CLSTN2: variants seen among roughly 807,000 people sequenced by gnomAD.
CLSTN2 encodes the protein calsyntenin-2.
A neutral mutation model predicts 101.2 loss-of-function variants in CLSTN2; 48 were observed. The observed-to-expected ratio is 0.47, with a 90% CI of 0.38 to 0.60. The LOEUF (loss-of-function observed/expected upper bound fraction) is 0.60. Among genes scored for constraint, CLSTN2 ranks in the 20% least tolerant of loss-of-function variants. The pLI, the probability that CLSTN2 is intolerant of heterozygous loss-of-function variation, is 0.00. For synonymous variants in CLSTN2, 481 were observed against 463.6 expected, an observed-to-expected ratio of 1.04 and a Z score of -0.48; for missense variants, 1,160 against 1,238.2, an observed-to-expected ratio of 0.94 and a Z score of 0.95.
intron 3 of CLSTN2, 102 bp downstream of exon 3, chr3:140,403,926 A>G (rs534712233): frequency 1.5e-5 from 15 of 993,446 alleles, no homozygotes; most frequent in Non-Finnish European, 2.1e-5. Flanking sequence ...TTGTCACACA[A>G]TGGTGCTCCA....
At chr3:140,297,797 T>C (rs1210122072) in intron 2 of CLSTN2, among the ~76,000 whole-genome samples, 1 of 152,210 alleles carries the variant, frequency 6.6e-6, no homozygotes, top group Non-Finnish European at 1.5e-5. Flanking sequence ...CCTTAGCCTA[T>C]GTGGCTGATA....
chr3:140,114,377 T>TCTGGCATCACCCTTATCAC (rs1420352598), intron 1 of CLSTN2, among the ~76,000 whole-genome samples: 2 of 152,202 alleles, frequency 1.3e-5, no homozygotes, highest in Non-Finnish European at 2.9e-5. Flanking sequence ...TGGCCCTGCA[T>TCTGGCATCACCCTTATCAC]CTGGCATCAC....
At chr3:140,455,924 C>T (rs751702270) in intron 6 of CLSTN2, among the ~76,000 whole-genome samples, 8 of 152,164 alleles carry the variant, frequency 5.3e-5, no homozygotes, top group East Asian at 3.9e-4. Flanking sequence ...AGTGGCCTGC[C>T]GCTCCCCCTC....
intron 2 of CLSTN2, among the ~76,000 whole-genome samples, chr3:140,190,389 A>G (rs2010542583): frequency 7.8e-6 from 1 of 128,804 alleles, no homozygotes; most frequent in African/African-American, 3.0e-5. Context: ...TAACTATTCT[A>G]TTTCCTTTAC....
intron 2 of CLSTN2, among the ~76,000 whole-genome samples, chr3:140,348,757 C>A (rs1473769660): frequency 1.3e-5 from 2 of 152,176 alleles, no homozygotes; most frequent in African/African-American, 2.4e-5. Flanking sequence ...GCCAGCCCTG[C>A]TTCTATTTCC....
chr3:140,247,592 T>C (rs1398642573), intron 2 of CLSTN2, among the ~76,000 whole-genome samples: 1 of 152,180 alleles, frequency 6.6e-6, no homozygotes, highest in Non-Finnish European at 1.5e-5. Flanking sequence ...AATGAGATGA[T>C]TTATTTACTT....
At chr3:140,330,472 C>T (rs4536787) in intron 2 of CLSTN2, among the ~76,000 whole-genome samples, 7,219 of 152,204 alleles carry the variant, frequency 0.047, 561 homozygotes, top group African/African-American at 0.16. Flanking sequence ...GGATCTCTGG[C>T]AGTACTAAAC....
chr3:140,562,130 T>G lies in CLSTN2; in HGVS notation c.2042-8T>G. On this transcript the variant is annotated splice_polypyrimidine_tract_variant and splice_region_variant and intron_variant, in intron 12 of 16. Coordinates refer to ENST00000458420, the MANE Select transcript of CLSTN2 (RefSeq NM_022131.3). ...ATGCCTGCATTTCCCATGTCTGTCT[T>G]CCTACAGACCCCAAATCAGAAGTCT... The G allele has an allele frequency of 6.2e-7, 1 of 1,613,128 alleles. No homozygotes were observed. Among genetic ancestry groups the G allele is most frequent in the East Asian group, 2.2e-5 (1 of 44,844 alleles).
At chr3:139,996,635 T>G (rs938507211) in intron 1 of CLSTN2, among the ~76,000 whole-genome samples, 3 of 152,250 alleles carry the variant, frequency 2.0e-5, no homozygotes, top group Admixed American at 6.5e-5. Context: ...ATTGTCAGAC[T>G]TCTTATTTTT....
At chr3:140,254,381 T>G (rs907493696) in intron 2 of CLSTN2, among the ~76,000 whole-genome samples, 2 of 152,176 alleles carry the variant, frequency 1.3e-5, no homozygotes, top group African/African-American at 4.8e-5. Flanking sequence ...CTCTCTAAAG[T>G]AATTGTGTGT....
intron 1 of CLSTN2, among the ~76,000 whole-genome samples, chr3:140,011,214 A>G (rs2007066466): frequency 6.6e-6 from 1 of 152,222 alleles, no homozygotes. Flanking sequence ...TCAGGAGTCT[A>G]TAATCCTTGA....
intron 2 of CLSTN2, among the ~76,000 whole-genome samples, chr3:140,330,102 T>A (rs1003611113): frequency 2.6e-5 from 4 of 152,224 alleles, no homozygotes; most frequent in Non-Finnish European, 5.9e-5. Flanking sequence ...TGGCTTCTCC[T>A]GGAAGAGAGA....
chr3:140,229,230 A>G (rs1283442015), intron 2 of CLSTN2, among the ~76,000 whole-genome samples: 1 of 152,226 alleles, frequency 6.6e-6, no homozygotes, highest in Non-Finnish European at 1.5e-5. Flanking sequence ...AAAGCTAAAA[A>G]GAAGAAACGA....
chr3:140,227,111 C>T (rs776334775), intron 2 of CLSTN2, among the ~76,000 whole-genome samples: 3 of 152,176 alleles, frequency 2.0e-5, no homozygotes, highest in African/African-American at 4.8e-5. Context: ...CTCATTTCAG[C>T]GTTAACTCAA....
chr3:140,248,362 A>C (rs1220636098), intron 2 of CLSTN2, among the ~76,000 whole-genome samples: 1 of 152,226 alleles, frequency 6.6e-6, no homozygotes, highest in East Asian at 1.9e-4. Context: ...CTGGGTCTGC[A>C]GAGAGGCAGC....
At position 140,571,035 on chromosome 3, in the gene CLSTN2, C is replaced by T. The variant is rs1193110090; in HGVS notation, c.*4782C>T. ...TGAACTGACAAACTGACAGATATTC[C>T]ACGAGAGTTGAAAGCCTTGGATCGA... is the stretch of plus-strand genomic sequence containing the variant. On this transcript the variant is annotated 3_prime_UTR_variant, in exon 17 of 17. Coordinates refer to ENST00000458420, the MANE Select transcript of CLSTN2 (RefSeq NM_022131.3). 2 of 152,218 alleles carry T rather than the reference C, an allele frequency of 1.3e-5. No individual in the cohort carries two copies. The highest frequency in any genetic ancestry group is 4.8e-5 in the African/African-American group (2 of 41,444). The allele number at this position is 152,218 out of a possible 1,614,324, so 9.4% of individuals were successfully genotyped here.
At chr3:140,444,347 T>C (rs1182719579) in intron 5 of CLSTN2, among the ~76,000 whole-genome samples, 3 of 152,064 alleles carry the variant, frequency 2.0e-5, no homozygotes, top group African/African-American at 7.2e-5. Flanking sequence ...GGAGAATTTC[T>C]TGAACCCAAG....
chr3:140,478,321 T>C (rs1225265302), intron 8 of CLSTN2, among the ~76,000 whole-genome samples: 1 of 127,780 alleles, frequency 7.8e-6, no homozygotes, highest in African/African-American at 3.2e-5. Context: ...CATCTGAGGA[T>C]GAAAACATCC....
rs182369012 is a variant in CLSTN2, at chr3:140,024,353, G to A, written c.109+88870G>A. The stretch of plus-strand genomic sequence containing the variant: ...GTATCTGTTCCTCACACATGTGGGC[G>A]GCCTGGGAAGTGTGCTGCCTTCCCC... On this transcript the variant is annotated intron_variant, in intron 1 of 16. Coordinates refer to ENST00000458420, the MANE Select transcript of CLSTN2 (RefSeq NM_022131.3). Among the ~76,000 whole-genome samples the A allele has an allele frequency of 9.5e-4, 144 of 152,322 alleles. 1 individual carries two copies. The highest frequency in any genetic ancestry group is 6.8e-3 in the Admixed American group (104 of 15,296).
Sources: allele counts gnomAD v4.1 joint callset (sites outside exome capture counted in the v4.1 genomes callset), GRCh38; gene constraint gnomAD v4.1.1; transcripts MANE v1.5; gene names NCBI Gene and HGNC (gene_info 2026-07-23, HGNC 2026-07-21).